The following PADI6 variants were observed in gnomAD, a reference collection of about 807,000 sequenced individuals.
The protein encoded by PADI6 is inactive protein-arginine deiminase type-6.
A neutral mutation model predicts 78.2 loss-of-function variants in PADI6; 66 were observed. The observed-to-expected ratio is 0.84, with a 90% CI of 0.69 to 1.04. The LOEUF is 1.04. Among genes scored for constraint, PADI6 ranks in the 50% least tolerant of loss-of-function variants. The pLI is 0.00. For synonymous variants in PADI6, 397 were observed against 346.9 expected, an observed-to-expected ratio of 1.14 and a Z score of -1.60; for missense variants, 854 against 866.1, an observed-to-expected ratio of 0.99 and a Z score of 0.18.
At chr1:17,375,971 TCTA>T (rs1235636442) in intron 3 of PADI6, among the ~76,000 whole-genome samples, 3 of 151,824 alleles carry the variant, frequency 2.0e-5, no homozygotes, top group Non-Finnish European at 4.4e-5. Context: ...CTCTATAACA[TCTA>T]CTTTTTTTTT....
Position 17,373,226 on chromosome 1 carries a change from C to G in PADI6, c.287C>G (p.Ala96Gly), listed in dbSNP as rs779603539. The change falls in exon 2 of 16, where the codon GCG becomes GGG. Residue 96 changes from alanine (A) to glycine (G), a missense_variant. By Grantham distance (60) the Ala-to-Gly change is moderately conservative (BLOSUM62 0). Coordinates refer to ENST00000619609, the MANE Select transcript of PADI6 (RefSeq NM_207421.4). ...KMTSPSPSVD[A>G]DKVSVTYYGP... is the part of the protein sequence containing the mutation. ...ACATCGCCCAGCCCTTCCGTGGATG[C>G]GGATAAGGTAAGCCTCAGGGGAAGA... 1.2e-5 allele frequency: 19 copies of G among 1,613,602 alleles called. No homozygotes were observed. The South Asian group carries it at 1.9e-4, about 16-fold the overall frequency.
intron 6 of PADI6, 58 bp from the exon 7 acceptor site, chr1:17,388,323 A>C: frequency 6.8e-7 from 1 of 1,467,162 alleles, no homozygotes; most frequent in East Asian, 2.4e-5. Flanking sequence ...CTTGACCATC[A>C]AATGTGACCG....
intron 4 of PADI6, among the ~76,000 whole-genome samples, 199 bp downstream of exon 4, chr1:17,380,186 ATTTTTTTGTT>A (rs1361535757): frequency 6.6e-6 from 1 of 151,174 alleles, no homozygotes; most frequent in South Asian, 2.1e-4. Context: ...TTTGTGGGGT[ATTTTTTTGTT>A]TTTTTTTGTT....
At chr1:17,380,335 G>T (rs2075060589) in intron 4 of PADI6, among the ~76,000 whole-genome samples, 1 of 151,922 alleles carries the variant, frequency 6.6e-6, no homozygotes, top group Non-Finnish European at 1.5e-5. Flanking sequence ...TCAGCCTCCT[G>T]AGCAGCTGGG....
Position 17,398,678 on chromosome 1 carries a change from A to ACCCCCCCCCCCCCCCC in PADI6, c.1690-5_1690-4insCCCCCCCCCCCCCCCC. ...CGCCCCCCCCCCCACCCACCCACCCACCCACAGAAGTGCATTCACCTGAAC... is the reference window on the plus strand; with the variant it reads ...CGCCCCCCCCCCCACCCACCCACCCACCCCCCCCCCCCCCCCCCCACAGAAGTGCATTCACCTGAAC... On this transcript the variant is annotated splice_polypyrimidine_tract_variant and splice_region_variant and intron_variant, in intron 14 of 15. Coordinates refer to ENST00000619609, the MANE Select transcript of PADI6 (RefSeq NM_207421.4). The ACCCCCCCCCCCCCCCC allele has an allele frequency of 9.1e-6, 1 of 110,268 alleles. No homozygotes were observed. 6.8% of individuals were successfully genotyped at this position (110,268 alleles called of 1,614,324 possible). A position where few individuals can be genotyped will look rare whatever the true frequency, so the allele number is the denominator to read the frequency against.
In PADI6 at chr1:17,373,502, T is replaced by G. The variant is rs537554054; in HGVS notation, c.294+269T>G. ...TTTTTTATTTTCATTTATTTATTATTATTTTTTTTTTTGAGTCTCACGCTC... is the reference window on the plus strand; with the variant it reads ...TTTTTTATTTTCATTTATTTATTATGATTTTTTTTTTTGAGTCTCACGCTC... On this transcript the variant is annotated intron_variant, in intron 2 of 15. Transcript: ENST00000619609. 5.0e-3 allele frequency among the ~76,000 whole-genome samples: 616 copies of G among 123,678 alleles called. 2 individuals carry two copies. The highest frequency in any genetic ancestry group is 7.7e-3 in the Non-Finnish European group (440 of 57,514). The allele number at this position is 123,678 out of a possible 152,430, so 81.1% of individuals were successfully genotyped here.
At chr1:17,389,375 C>G (rs1306260312) in intron 8 of PADI6, among the ~76,000 whole-genome samples, 3 of 152,172 alleles carry the variant, frequency 2.0e-5, no homozygotes, top group Non-Finnish European at 1.5e-5. Flanking sequence ...GAAGATGGTA[C>G]TGCTCGCCCA....
At chr1:17,391,873 C>T (rs2526836) in intron 8 of PADI6, among the ~76,000 whole-genome samples, 45,473 of 152,120 alleles carry the variant, frequency 0.3, 7,129 homozygotes, top group Middle Eastern at 0.41. Context: ...AGGGAAGGGG[C>T]CGCCACTGGC....
intron 15 of PADI6, among the ~76,000 whole-genome samples, chr1:17,400,818 G>A (rs549883466): frequency 5.1e-4 from 78 of 152,236 alleles, no homozygotes; most frequent in African/African-American, 1.9e-3. Context: ...AGTGTGGTCC[G>A]GCAGGGGTGA....
In PADI6 at chr1:17,394,951, C is replaced by T. The variant is rs201775306; in HGVS notation, c.1338C>T (p.Ser446=). ...GCTGTTCTTTCCATCTTCCTTCTAGCGCAGAGGGCCGGGCCATGAGTAAGA... is the reference window on the plus strand; with the variant it reads ...GCTGTTCTTTCCATCTTCCTTCTAGTGCAGAGGGCCGGGCCATGAGTAAGA... ...RVLIGSSFYP[S]AEGRAMSKTL... The change falls in exon 12 of 16, where the codon AGC becomes AGT. Residue 446 remains serine, a splice_region_variant and synonymous_variant. Coordinates refer to ENST00000619609, the MANE Select transcript of PADI6 (RefSeq NM_207421.4). The T allele has an allele frequency of 5.0e-4, 801 of 1,608,342 alleles. 1 individual carries two copies. The highest frequency in any genetic ancestry group is 6.4e-4 in the Non-Finnish European group (754 of 1,177,984).
At chr1:17,379,014 A>G (rs1351819329) in intron 3 of PADI6, among the ~76,000 whole-genome samples, 3 of 150,868 alleles carry the variant, frequency 2.0e-5, no homozygotes, top group Non-Finnish European at 4.4e-5. Context: ...GTCTGATCTC[A>G]GCTCACTGCA....
chr1:17,391,701 G>A (rs531085365), intron 8 of PADI6, among the ~76,000 whole-genome samples: 2 of 152,384 alleles, frequency 1.3e-5, no homozygotes, highest in East Asian at 3.9e-4. Flanking sequence ...TATAGTCCCA[G>A]CTACTGTGGG....
At chr1:17,377,517 A>G (rs1315431470) in intron 3 of PADI6, among the ~76,000 whole-genome samples, 4 of 152,166 alleles carry the variant, frequency 2.6e-5, no homozygotes, top group African/African-American at 7.2e-5. Context: ...CCTACCCAGC[A>G]TGATCGCTTC....
In PADI6 at chr1:17,380,024, C is replaced by T. The variant is rs1265388318; in HGVS notation, c.435+37C>T. ...AGCAAAAGGGGGCAGGGAAGGGGCC[C>T]TATAAGCCAAATCTGCCCACAGGCT... On this transcript the variant is annotated intron_variant, in intron 4 of 15. Transcript: ENST00000619609. The T allele has an allele frequency of 2.5e-6, 4 of 1,603,016 alleles. No individual in the cohort carries two copies. The East Asian group carries it at 8.9e-5, about 36-fold the overall frequency.
chr1:17,389,209 G>A (rs191420966), intron 8 of PADI6, among the ~76,000 whole-genome samples: 24 of 152,314 alleles, frequency 1.6e-4, no homozygotes, highest in African/African-American at 4.6e-4. Context: ...AAGCTCCTAC[G>A]GAGCCAGAGA....
chr1:17,373,233 G>A lies in PADI6; in HGVS notation c.294G>A (p.Lys98=). 6.2e-7 allele frequency: 1 copy of A among 1,613,666 alleles called. No homozygotes were observed. Among genetic ancestry groups the A allele is most frequent in the Non-Finnish European group, 8.5e-7 (1 of 1,179,666 alleles). The stretch of plus-strand genomic sequence containing the variant: ...CCAGCCCTTCCGTGGATGCGGATAA[G>A]GTAAGCCTCAGGGGAAGAGGTGAGG... ...TSPSPSVDAD[K]VSVTYYGPNE... The change falls in exon 2 of 16, where the codon AAG becomes AAA. Residue 98 remains lysine, a splice_region_variant and synonymous_variant. Transcript: ENST00000619609.
intron 2 of PADI6, among the ~76,000 whole-genome samples, chr1:17,373,827 G>C (rs528788175): frequency 1.3e-5 from 2 of 152,262 alleles, no homozygotes; most frequent in African/African-American, 4.8e-5. Flanking sequence ...CTAAGGCACA[G>C]AGTGCTGTGT....
At chr1:17,376,051 T>C (rs2075013051) in intron 3 of PADI6, among the ~76,000 whole-genome samples, 1 of 152,012 alleles carries the variant, frequency 6.6e-6, no homozygotes, top group Non-Finnish European at 1.5e-5. Flanking sequence ...CTCGGCTCAC[T>C]GTAACCTCTG....
In PADI6 at chr1:17,398,761, C is replaced by T; in HGVS notation, c.1765C>T (p.Gln589Ter). The T allele has an allele frequency of 1.2e-6, 2 of 1,609,920 alleles. No individual in the cohort carries two copies. The highest frequency in any genetic ancestry group is 1.1e-5 in the South Asian group (1 of 90,934). ...LVEQDIIEIP[Q>*]LFCLEKLTNI... Reference sequence around the variant, plus strand: ...GGAACAGGACATCATCGAGATTCCCCAGCTGTTCTGCTTGGAGAAGCTGAC... The same window carrying T: ...GGAACAGGACATCATCGAGATTCCCTAGCTGTTCTGCTTGGAGAAGCTGAC... Residue 589 changes from glutamine to a stop codon, truncating the protein, a stop_gained, in exon 15 of 16, where the codon CAG (glutamine) becomes TAG (stop). Transcript: ENST00000619609. LOFTEE classifies it high-confidence loss of function.
Sources: gnomAD v4.1 joint callset for allele counts (sites outside exome capture counted in the v4.1 genomes callset) on GRCh38, gnomAD v4.1.1 for gene constraint, MANE v1.5 for transcripts, NCBI Gene and HGNC (gene_info 2026-07-23, HGNC 2026-07-21) for gene names.